The following CADM1 variants were observed in gnomAD, a reference collection of about 807,000 sequenced individuals.
CADM1 encodes the protein TSLC-1.
In CADM1, 15 loss-of-function variants were observed where a neutral mutation model predicts 53.1. That is an observed-to-expected ratio of 0.28 (90% CI 0.19 to 0.44). The LOEUF is 0.44. CADM1 is among the 20% of genes least tolerant of loss of function. The pLI is 1.00. For missense variants in CADM1, 434 were observed against 611.3 expected (o/e 0.71, Z 3.06); for synonymous variants, 281 against 243.0 (o/e 1.16, Z -1.45).
intron 9 of CADM1, among the ~76,000 whole-genome samples, chr11:115,197,858 T>C (rs1409625792): frequency 6.6e-6 from 1 of 152,194 alleles, no homozygotes; most frequent in African/African-American, 2.4e-5. Context: ...GTGGGGTACA[T>C]ATGATTAGCA....
chr11:115,191,124 A>T, intron 9 of CADM1, 183 bp from the exon 10 acceptor site: 1 of 591,574 alleles, frequency 1.7e-6, no homozygotes, highest in South Asian at 2.0e-5. Context: ...TGTTCTTAAT[A>T]CGCAATCGAG....
chr11:115,492,845 A>C (rs1338948312), intron 1 of CADM1, among the ~76,000 whole-genome samples: 1 of 152,104 alleles, frequency 6.6e-6, no homozygotes. Context: ...AAATACACTC[A>C]CACAGTTGAC....
chr11:115,186,620 C>A (rs1939565403), intron 10 of CADM1, among the ~76,000 whole-genome samples: 1 of 152,178 alleles, frequency 6.6e-6, no homozygotes, highest in South Asian at 2.1e-4. Context: ...CCGTTTGGGT[C>A]CCAGTTTCCT....
chr11:115,187,882 T>C (rs1939651970), intron 10 of CADM1, among the ~76,000 whole-genome samples: 1 of 152,216 alleles, frequency 6.6e-6, no homozygotes, highest in African/African-American at 2.4e-5. Flanking sequence ...ATGCTTTCTT[T>C]TTTGGATCGT....
chr11:115,181,990 C>G (rs1406944479), intron 10 of CADM1, among the ~76,000 whole-genome samples: 1 of 152,190 alleles, frequency 6.6e-6, no homozygotes, highest in African/African-American at 2.4e-5. Flanking sequence ...AGCTGCTTGA[C>G]CTTTCCTTCC....
At chr11:115,274,016 T>A (rs975185512) in intron 1 of CADM1, among the ~76,000 whole-genome samples, 6 of 152,226 alleles carry the variant, frequency 3.9e-5, no homozygotes, top group African/African-American at 1.2e-4. Flanking sequence ...CAAGATCTAT[T>A]TTCCTCCCTG....
At chr11:115,476,697 A>G (rs1358181278) in intron 1 of CADM1, among the ~76,000 whole-genome samples, 2 of 152,252 alleles carry the variant, frequency 1.3e-5, no homozygotes, top group African/African-American at 4.8e-5. Context: ...TAAGAGAATC[A>G]GGGTGATAAA....
chr11:115,203,936 G>A (rs1403182306), intron 8 of CADM1, among the ~76,000 whole-genome samples: 1 of 152,188 alleles, frequency 6.6e-6, no homozygotes, highest in Admixed American at 6.5e-5. Context: ...ACTTGAAAAG[G>A]TGGCTTATTA....
intron 1 of CADM1, among the ~76,000 whole-genome samples, chr11:115,460,701 T>C (rs1304544527): frequency 6.6e-6 from 1 of 152,010 alleles, no homozygotes; most frequent in Admixed American, 6.6e-5. Context: ...TTTTCTCAGC[T>C]CTGGTGACAG....
At chr11:115,366,536 T>A (rs1361689779) in intron 1 of CADM1, among the ~76,000 whole-genome samples, 2 of 152,196 alleles carry the variant, frequency 1.3e-5, no homozygotes, top group Non-Finnish European at 2.9e-5. Flanking sequence ...GTTGCTAATT[T>A]TTTCCTTTCT....
intron 1 of CADM1, among the ~76,000 whole-genome samples, chr11:115,286,324 T>C (rs1591672375): frequency 1.3e-5 from 2 of 151,850 alleles, no homozygotes; most frequent in Non-Finnish European, 2.9e-5. Flanking sequence ...ACTCACACAC[T>C]CACACCCACA....
intron 10 of CADM1, among the ~76,000 whole-genome samples, chr11:115,179,347 A>G (rs1472808341): frequency 1.3e-5 from 2 of 152,240 alleles, no homozygotes; most frequent in African/African-American, 4.8e-5. Flanking sequence ...GTAAGCCTCA[A>G]TTTAAAACCT....
chr11:115,496,949 C>A (rs1446460861), intron 1 of CADM1, among the ~76,000 whole-genome samples: 1 of 152,002 alleles, frequency 6.6e-6, no homozygotes, highest in Non-Finnish European at 1.5e-5. Context: ...TAGGTTAATC[C>A]CAGCCAAGTG....
chr11:115,302,903 C>T (rs1395306749), intron 1 of CADM1, among the ~76,000 whole-genome samples: 3 of 151,964 alleles, frequency 2.0e-5, no homozygotes, highest in Non-Finnish European at 4.4e-5. Context: ...GTGCTGCTTC[C>T]AGGTTAGGAA....
chr11:115,418,652 C>T (rs539430472), intron 1 of CADM1, among the ~76,000 whole-genome samples: 3 of 152,204 alleles, frequency 2.0e-5, no homozygotes, highest in Non-Finnish European at 2.9e-5. Context: ...GAGCCTATAG[C>T]CCAAACCCCA....
intron 1 of CADM1, among the ~76,000 whole-genome samples, chr11:115,430,897 T>C (rs1278024457): frequency 6.6e-6 from 1 of 152,222 alleles, no homozygotes; most frequent in East Asian, 1.9e-4. Context: ...TTAAATTTTC[T>C]GAATTAAAAT....
chr11:115,373,660 T>G (rs994981434), intron 1 of CADM1, among the ~76,000 whole-genome samples: 1 of 150,010 alleles, frequency 6.7e-6, no homozygotes, highest in Admixed American at 6.6e-5. Context: ...AAAGGGGGAT[T>G]CTAAGAAGAA....
intron 1 of CADM1, among the ~76,000 whole-genome samples, chr11:115,352,597 T>G (rs1488751836): frequency 6.6e-6 from 1 of 152,216 alleles, no homozygotes; most frequent in Non-Finnish European, 1.5e-5. Flanking sequence ...CTCTTCCATA[T>G]TCAAAGAATA....
chr11:115,483,738 C>A (rs1344252343), intron 1 of CADM1, among the ~76,000 whole-genome samples: 1 of 152,180 alleles, frequency 6.6e-6, no homozygotes, highest in Non-Finnish European at 1.5e-5. Flanking sequence ...TAGAGCTATG[C>A]AGCCCTATAT....
Sources: gnomAD v4.1 joint callset for allele counts (sites outside exome capture counted in the v4.1 genomes callset) on GRCh38, gnomAD v4.1.1 for gene constraint, MANE v1.5 for transcripts, NCBI Gene and HGNC (gene_info 2026-07-23, HGNC 2026-07-21) for gene names.